The following OLFML2A variants were observed in gnomAD, a reference collection of about 807,000 sequenced individuals.
The protein encoded by OLFML2A is olfactomedin-like protein 2A.
In OLFML2A, 47 loss-of-function variants were observed where a neutral mutation model predicts 60.9. The observed-to-expected ratio is 0.77, with a 90% CI of 0.61 to 0.98. The LOEUF is 0.98. Among genes scored for constraint, OLFML2A ranks in the 50% least tolerant of loss-of-function variants. OLFML2A has a pLI of 0.00. For missense variants in OLFML2A, 922 were observed against 879.8 expected (o/e 1.05, Z -0.61); for synonymous variants, 372 against 375.0 (o/e 0.99, Z 0.09).
chr9:124,810,568 C>G lies in OLFML2A; in HGVS notation c.*156C>G, dbSNP rs142846219. On this transcript the variant is annotated 3_prime_UTR_variant, in exon 8 of 8. Transcript: ENST00000373580. ...CACCAGGATTGAGCTTCCTCAGCAC[C>G]CAGTGGGTAATACTTGCTTCCACTT... 28 of 699,008 alleles carry G rather than the reference C, an allele frequency of 4.0e-5. No individual in the cohort carries two copies. The East Asian group carries it at 7.6e-4, about 19-fold the overall frequency. 43.3% of individuals were successfully genotyped at this position (699,008 alleles called of 1,614,324 possible). A position where few individuals can be genotyped will look rare whatever the true frequency, so the allele number is the denominator to read the frequency against.
chr9:124,784,127 C>T (rs1472920546), intron 1 of OLFML2A, among the ~76,000 whole-genome samples: 2 of 151,836 alleles, frequency 1.3e-5, no homozygotes, highest in African/African-American at 2.4e-5. Flanking sequence ...TCACATGGGC[C>T]TTGAAGGCCA....
Position 124,804,492 on chromosome 9 carries a change from G to T in OLFML2A, c.1168+150G>T, listed in dbSNP as rs1257677091. On this transcript the variant is annotated intron_variant, in intron 6 of 7. Transcript: ENST00000373580. ...TAACACCAGCACTTTGGGAGGCCAA[G>T]GTGGACGAATCACCTGAGGTCAGGA... is the stretch of plus-strand genomic sequence containing the variant. 4.0e-6 allele frequency: 3 copies of T among 748,972 alleles called. No individual in the cohort carries two copies. The African/African-American group carries it at 5.3e-5, about 13-fold the overall frequency. 46.4% of individuals were successfully genotyped at this position (748,972 alleles called of 1,614,324 possible).
intron 3 of OLFML2A, among the ~76,000 whole-genome samples, chr9:124,798,875 G>A (rs1339303295): frequency 2.0e-5 from 3 of 152,102 alleles, no homozygotes; most frequent in Non-Finnish European, 4.4e-5. Context: ...CCCAAAATAG[G>A]CTGTTCAGCA....
chr9:124,795,091 A>C lies in OLFML2A; in HGVS notation c.422A>C (p.Tyr141Ser). ...YSMDLMKVHA[Y>S]VHKVASQMNT... ...ATGGACTTGATGAAGGTGCACGCCT[A>C]CGTCCACAAGGTGGCCTCCCAGATG... The change falls in exon 3 of 8, where the codon TAC becomes TCC. Residue 141 changes from tyrosine (Y) to serine (S), a missense_variant. Tyr to Ser is a moderately radical substitution (Grantham distance 144). Transcript: ENST00000373580. 1 of 1,608,272 alleles carries C rather than the reference A, an allele frequency of 6.2e-7. No homozygotes were observed. The highest frequency in any genetic ancestry group is 8.5e-7 in the Non-Finnish European group (1 of 1,176,942).
chr9:124,808,612 A>C, intron 7 of OLFML2A, among the ~76,000 whole-genome samples: 1 of 152,136 alleles, frequency 6.6e-6, no homozygotes, highest in East Asian at 1.9e-4. Flanking sequence ...CCCAGCCTAG[A>C]GATCAGGGAA....
Position 124,811,840 on chromosome 9 carries a change from C to A in OLFML2A, c.*1428C>A, listed in dbSNP as rs1842027820. ...TGGAAAGAAATTTTCTAGCCCAACTCCCTGTTTCATGAAAGAGAAAAGAGG... is the reference window on the plus strand; with the variant it reads ...TGGAAAGAAATTTTCTAGCCCAACTACCTGTTTCATGAAAGAGAAAAGAGG... On this transcript the variant is annotated 3_prime_UTR_variant, in exon 8 of 8. Coordinates refer to ENST00000373580, the MANE Select transcript of OLFML2A (RefSeq NM_182487.4). 6.6e-6 allele frequency: 1 copy of A among 152,220 alleles called. No individual in the cohort carries two copies. The highest frequency in any genetic ancestry group is 1.5e-5 in the Non-Finnish European group (1 of 68,060). 9.4% of individuals were successfully genotyped at this position (152,220 alleles called of 1,614,324 possible).
In OLFML2A at chr9:124,810,253, C is replaced by A; in HGVS notation, c.1800C>A (p.Tyr600Ter). The A allele has an allele frequency of 6.2e-7, 1 of 1,612,642 alleles. No individual in the cohort carries two copies. The highest frequency in any genetic ancestry group is 8.5e-7 in the Non-Finnish European group (1 of 1,180,006). Reference sequence around the variant, plus strand: ...ACCAGCAGGAAGGCCAGGTCGCCTACGCTTTCGACACGCACACGGGCACCG... The same window carrying A: ...ACCAGCAGGAAGGCCAGGTCGCCTAAGCTTTCGACACGCACACGGGCACCG... ...TYNQQEGQVA[Y>*]AFDTHTGTDA... The change falls in exon 8 of 8, where the codon TAC becomes TAA. Residue 600 changes from tyrosine to a stop codon, truncating the protein, a stop_gained. Transcript: ENST00000373580. LOFTEE classifies it high-confidence loss of function.
chr9:124,810,138 G>C lies in OLFML2A; in HGVS notation c.1685G>C (p.Arg562Pro). The change falls in exon 8 of 8, where the codon CGG becomes CCG. Residue 562 changes from arginine (R) to proline (P), a missense_variant. Physicochemically the swap from Arg to Pro is moderately radical, Grantham distance 103 (BLOSUM62 -2). Coordinates refer to ENST00000373580, the MANE Select transcript of OLFML2A (RefSeq NM_182487.4). Reference protein sequence around the residue: ...RLDPGDLSVHRETTWKTRLRR... With the variant: ...RLDPGDLSVHPETTWKTRLRR... ...GACCCCGGCGATCTCTCCGTGCACC[G>C]GGAGACCACGTGGAAGACACGGCTG... 4.3e-6 allele frequency: 7 copies of C among 1,613,838 alleles called. No individual in the cohort carries two copies. Among genetic ancestry groups the C allele is most frequent in the Non-Finnish European group, 5.9e-6 (7 of 1,180,012 alleles).
intron 6 of OLFML2A, among the ~76,000 whole-genome samples, chr9:124,806,616 T>C (rs2131277850): frequency 6.6e-6 from 1 of 152,040 alleles, no homozygotes; most frequent in Non-Finnish European, 1.5e-5. Context: ...TTTTATTTAT[T>C]TTTATTTTAT....
intron 6 of OLFML2A, 141 bp downstream of exon 6, chr9:124,804,483 G>GCCTCCCAAAGTGCT: frequency 1.2e-6 from 1 of 821,806 alleles, no homozygotes; most frequent in Non-Finnish European, 1.9e-6. Flanking sequence ...CAGCACTTTG[G>GCCTCCCAAAGTGCT]GAGGCCAAGG....
chr9:124,805,808 G>GTTTTTT (rs59555267), intron 6 of OLFML2A, among the ~76,000 whole-genome samples: 39 of 71,270 alleles, frequency 5.5e-4, no homozygotes, highest in Admixed American at 6.6e-4. Flanking sequence ...GGTTTTTTTG[G>GTTTTTT]TTTTTTTTTT....
Position 124,814,722 on chromosome 9 carries a change from C to T in OLFML2A, c.*4310C>T, listed in dbSNP as rs908006355. ...TTTTTTTTCCAATTGTGCTGAGTCT[C>T]CTACTAGACTCGCTTCATTCTAGCT... is the stretch of plus-strand genomic sequence containing the variant. On this transcript the variant is annotated 3_prime_UTR_variant, in exon 8 of 8. Coordinates refer to ENST00000373580, the MANE Select transcript of OLFML2A (RefSeq NM_182487.4). 2.6e-5 allele frequency: 4 copies of T among 152,144 alleles called. No homozygotes were observed. The highest frequency in any genetic ancestry group is 4.8e-5 in the African/African-American group (2 of 41,434). The allele number at this position is 152,144 out of a possible 1,614,324, so 9.4% of individuals were successfully genotyped here. A position where few individuals can be genotyped will look rare whatever the true frequency, so the allele number is the denominator to read the frequency against.
At chr9:124,785,453 A>G (rs1388270590) in intron 1 of OLFML2A, among the ~76,000 whole-genome samples, 4 of 124,880 alleles carry the variant, frequency 3.2e-5, no homozygotes, top group Non-Finnish European at 3.1e-5. Flanking sequence ...GCTGGAGTGC[A>G]GTGGCGCGAT....
intron 3 of OLFML2A, 57 bp downstream of exon 3, chr9:124,795,188 A>G (rs532748588): frequency 3.4e-5 from 39 of 1,140,692 alleles, no homozygotes; most frequent in Admixed American, 1.0e-4. Flanking sequence ...GGCCAAGGGC[A>G]CTGTCCGAAG....
chr9:124,784,186 T>C (rs543601797), intron 1 of OLFML2A, among the ~76,000 whole-genome samples: 116 of 151,896 alleles, frequency 7.6e-4, no homozygotes, highest in African/African-American at 2.7e-3. Context: ...ACAGAGGTAG[T>C]TTTTTTCTTT....
rs559663411 is a variant in OLFML2A, at chr9:124,804,592, C to T, written c.1168+250C>T. Among the ~76,000 whole-genome samples the T allele has an allele frequency of 4.4e-4, 66 of 151,168 alleles. 1 individual carries two copies. Among genetic ancestry groups the T allele is most frequent in the African/African-American group, 1.5e-3 (61 of 41,400 alleles). On this transcript the variant is annotated intron_variant, in intron 6 of 7. Coordinates refer to ENST00000373580, the MANE Select transcript of OLFML2A (RefSeq NM_182487.4). The stretch of plus-strand genomic sequence containing the variant: ...TAAAAAAATTAGCCAGGCGTAGTGG[C>T]GGGTGCCTGCAATCCCAGCTACTCG...
intron 2 of OLFML2A, among the ~76,000 whole-genome samples, chr9:124,787,983 A>C (rs1252732406): frequency 6.6e-6 from 1 of 151,986 alleles, no homozygotes; most frequent in African/African-American, 2.4e-5. Flanking sequence ...GCAGCCTCCA[A>C]TCTATGCCAT....
intron 5 of OLFML2A, among the ~76,000 whole-genome samples, chr9:124,803,554 T>C (rs563307694): frequency 2.0e-5 from 3 of 152,328 alleles, no homozygotes; most frequent in Admixed American, 2.0e-4. Context: ...CACCAGCCAC[T>C]GCGCCCAACC....
intron 6 of OLFML2A, among the ~76,000 whole-genome samples, chr9:124,806,521 A>C (rs1841899006): frequency 4.1e-5 from 1 of 24,476 alleles, no homozygotes; most frequent in African/African-American, 4.6e-5. Context: ...ACATCTCCTC[A>C]ATCCCCCCAT....
Sources: allele counts gnomAD v4.1 joint callset (sites outside exome capture counted in the v4.1 genomes callset), GRCh38; gene constraint gnomAD v4.1.1; transcripts MANE v1.5; gene names NCBI Gene and HGNC (gene_info 2026-07-23, HGNC 2026-07-21).